The following MECOM variants were observed in gnomAD, a reference collection of about 807,000 sequenced individuals.
MECOM encodes the protein histone-lysine N-methyltransferase MECOM.
Under a neutral mutation model 116.3 loss-of-function variants are expected in MECOM, and 13 were observed. The ratio of observed to expected loss-of-function variants is 0.11; its 90% CI spans 0.07 to 0.18. The LOEUF is 0.18. MECOM is among the 10% of genes least tolerant of loss of function. MECOM has a pLI of 1.00. For synonymous variants in MECOM, 528 were observed against 535.2 expected (o/e 0.99, Z 0.19); for missense variants, 1,299 against 1,509.0 (o/e 0.86, Z 2.31).
intron 1 of MECOM, among the ~76,000 whole-genome samples, chr3:169,658,929 C>T (rs113645001): frequency 0.024 from 3,605 of 152,186 alleles, 149 homozygotes; most frequent in African/African-American, 0.084. Flanking sequence ...CCTTCTAGCC[C>T]GGGGAGGAGG....
At chr3:169,105,848 T>G (rs1006678439) in intron 10 of MECOM, among the ~76,000 whole-genome samples, 1 of 152,112 alleles carries the variant, frequency 6.6e-6, no homozygotes, top group Non-Finnish European at 1.5e-5. Flanking sequence ...ATTCCCTAGC[T>G]CCTACCAAAA....
At chr3:169,586,235 G>C (rs933400314) in intron 1 of MECOM, among the ~76,000 whole-genome samples, 1 of 152,212 alleles carries the variant, frequency 6.6e-6, no homozygotes, top group Non-Finnish European at 1.5e-5. Flanking sequence ...ACCATAGAAG[G>C]TTATGAATAT....
At chr3:169,151,391 G>A (rs1217091015) in intron 2 of MECOM, among the ~76,000 whole-genome samples, 1 of 152,166 alleles carries the variant, frequency 6.6e-6, no homozygotes, top group Non-Finnish European at 1.5e-5. Context: ...AGTTTATAGA[G>A]GAAGGCACTT....
At chr3:169,292,721 C>G (rs1185768075) in intron 2 of MECOM, among the ~76,000 whole-genome samples, 1 of 152,148 alleles carries the variant, frequency 6.6e-6, no homozygotes, top group African/African-American at 2.4e-5. Context: ...CATCTCTACC[C>G]AGTGACCATT....
intron 3 of MECOM, among the ~76,000 whole-genome samples, chr3:169,134,911 G>T (rs976552690): frequency 4.6e-5 from 7 of 152,094 alleles, no homozygotes; most frequent in African/African-American, 1.4e-4. Context: ...TCATCTTAGA[G>T]GAATCAGGCC....
chr3:169,143,608 TCTA>T (rs1738799427), intron 3 of MECOM, 87 bp downstream of exon 3: 1 of 1,282,964 alleles, frequency 7.8e-7, no homozygotes, highest in Non-Finnish European at 1.0e-6. Context: ...GCCACAAGGG[TCTA>T]CTGCAGCTTA....
At chr3:169,663,256 C>G in intron 1 of MECOM, 80 bp downstream of exon 1, 2 of 1,513,880 alleles carry the variant, frequency 1.3e-6, no homozygotes, top group South Asian at 2.4e-5. Context: ...AGCCCGCGCT[C>G]CCTCCCGGAG....
intron 2 of MECOM, chr3:169,147,272 G>C (rs1202392698): frequency 5.7e-5 from 56 of 985,450 alleles, no homozygotes; most frequent in Non-Finnish European, 6.7e-5. Flanking sequence ...GGCGAGGGGA[G>C]CTCTATCCCC....
chr3:169,602,567 T>C (rs1287591968), intron 1 of MECOM, among the ~76,000 whole-genome samples: 1 of 152,134 alleles, frequency 6.6e-6, no homozygotes, highest in African/African-American at 2.4e-5. Context: ...TAGATGCCAA[T>C]AGCACAACCC....
At chr3:169,510,749 G>C (rs1755863216) in intron 1 of MECOM, among the ~76,000 whole-genome samples, 1 of 152,214 alleles carries the variant, frequency 6.6e-6, no homozygotes, top group Admixed American at 6.5e-5. Flanking sequence ...GAAAAATGCA[G>C]TGTGGTCACT....
intron 4 of MECOM, 150 bp from the exon 5 acceptor site, chr3:169,128,210 GT>G: frequency 1.4e-6 from 1 of 698,992 alleles, no homozygotes; most frequent in Non-Finnish European, 2.4e-6. Context: ...AATATCATAT[GT>G]AAAGAACCAA....
intron 2 of MECOM, among the ~76,000 whole-genome samples, chr3:169,248,879 C>A (rs1755916016): frequency 6.6e-6 from 1 of 152,140 alleles, no homozygotes; most frequent in Admixed American, 6.5e-5. Flanking sequence ...TGATCTTAGA[C>A]TTCTGGGCCC....
At chr3:169,348,420 T>C (rs1577805920) in intron 2 of MECOM, among the ~76,000 whole-genome samples, 1 of 151,948 alleles carries the variant, frequency 6.6e-6, no homozygotes, top group Non-Finnish European at 1.5e-5. Flanking sequence ...TATGGGAAAT[T>C]TGGGGAATAT....
intron 1 of MECOM, among the ~76,000 whole-genome samples, chr3:169,425,291 G>T (rs971211304): frequency 1.3e-5 from 2 of 152,154 alleles, no homozygotes; most frequent in African/African-American, 2.4e-5. Flanking sequence ...GCATGTCCAT[G>T]CTCTTTGCAC....
intron 1 of MECOM, among the ~76,000 whole-genome samples, chr3:169,509,726 T>C (rs987612347): frequency 8.5e-5 from 13 of 152,270 alleles, no homozygotes; most frequent in African/African-American, 1.4e-4. Flanking sequence ...TCCTTTTGTA[T>C]GTTTACACCA....
In MECOM at chr3:169,200,014, G is replaced by T. The variant is rs1056894650; in HGVS notation, c.376-56182C>A. Among the ~76,000 whole-genome samples, 3 of 129,954 alleles carry T rather than the reference G, an allele frequency of 2.3e-5. No homozygotes were observed. The South Asian group carries it at 9.7e-4, about 42-fold the overall frequency. 85.3% of individuals were successfully genotyped at this position (129,954 alleles called of 152,430 possible). A position where few individuals can be genotyped will look rare whatever the true frequency, so the allele number is the denominator to read the frequency against. ...ATTTAATATCAAGATATAGTAAAAC[G>T]TTGTGTTCTGTTTTAGGCAATGCAA... On this transcript the variant is annotated intron_variant, in intron 2 of 16. Transcript: ENST00000651503.
At chr3:169,463,868 C>A (rs1747848055) in intron 1 of MECOM, 1 of 152,090 alleles carries the variant, frequency 6.6e-6, no homozygotes. Flanking sequence ...ATATTTTTAT[C>A]AAATATAATT....
intron 1 of MECOM, among the ~76,000 whole-genome samples, chr3:169,465,048 T>C (rs955892317): frequency 6.6e-5 from 10 of 152,274 alleles, no homozygotes; most frequent in African/African-American, 2.2e-4. Flanking sequence ...TGAATACTTA[T>C]ATTAGAATCA....
chr3:169,357,602 A>C (rs1051015113), intron 2 of MECOM, among the ~76,000 whole-genome samples: 1 of 151,880 alleles, frequency 6.6e-6, no homozygotes, highest in East Asian at 1.9e-4. Flanking sequence ...ATGCCCTGCA[A>C]GGACTAATTA....
Sources: allele counts gnomAD v4.1 joint callset (sites outside exome capture counted in the v4.1 genomes callset), GRCh38; gene constraint gnomAD v4.1.1; transcripts MANE v1.5; gene names NCBI Gene and HGNC (gene_info 2026-07-23, HGNC 2026-07-21).